PDE4D: variants seen among roughly 807,000 people sequenced by gnomAD.
PDE4D encodes the protein phosphodiesterase 4D.
In PDE4D, 24 loss-of-function variants were observed where a neutral mutation model predicts 87.4. That is an observed-to-expected ratio of 0.27 (90% CI 0.20 to 0.39). PDE4D has a LOEUF of 0.39. Among genes scored for constraint, PDE4D ranks in the 10% least tolerant of loss-of-function variants. PDE4D has a pLI of 1.00. For missense variants in PDE4D, 714 were observed against 1,041.0 expected (o/e 0.69, Z 4.32); for synonymous variants, 384 against 383.2 (o/e 1.00, Z -0.02).
At chr5:60,354,417 T>C (rs1443148758) in intron 1 of PDE4D, among the ~76,000 whole-genome samples, 2 of 152,186 alleles carry the variant, frequency 1.3e-5, no homozygotes, top group East Asian at 1.9e-4. Flanking sequence ...GCAGATTCTT[T>C]ACTTGGTAGT....
intron 3 of PDE4D, chr5:59,987,866 C>T (rs1046270864): frequency 7.9e-5 from 12 of 152,222 alleles, no homozygotes; most frequent in African/African-American, 2.9e-4. Context: ...AGAATAAAAA[C>T]AAAAATTATA....
Position 60,049,997 on chromosome 5 carries a change from G to A in PDE4D, c.43-61280C>T, listed in dbSNP as rs1376056736. On this transcript the variant is annotated intron_variant, in intron 2 of 16. Transcript: ENST00000502484. ...CCACCTTGCAGTTTGATCTCAGACT[G>A]CTGTGCTAGCAATCAGCGAGACTCT... is the stretch of plus-strand genomic sequence containing the variant. 2.0e-5 allele frequency among the ~76,000 whole-genome samples: 3 copies of A among 152,330 alleles called. No individual in the cohort carries two copies. The East Asian group carries it at 5.8e-4, about 29-fold the overall frequency.
At chr5:58,987,264 A>G (rs916287463) in intron 11 of PDE4D, among the ~76,000 whole-genome samples, 1 of 152,192 alleles carries the variant, frequency 6.6e-6, no homozygotes, top group African/African-American at 2.4e-5. Context: ...GTACCTCATT[A>G]TAGGTGCTCA....
chr5:59,028,394 C>T lies in PDE4D; in HGVS notation c.921+10465G>A, dbSNP rs186557783. The stretch of plus-strand genomic sequence containing the variant: ...CAGGATGGCAGACACCCTTCTCTAA[C>T]CCTCACCCCCCAAAATAATAAAATA... On this transcript the variant is annotated intron_variant, in intron 6 of 14. Coordinates refer to ENST00000340635, the MANE Select transcript of PDE4D (RefSeq NM_001104631.2). Among the ~76,000 whole-genome samples, 43 of 151,292 alleles carry T rather than the reference C, an allele frequency of 2.8e-4. 1 individual carries two copies. Among genetic ancestry groups the T allele is most frequent in the Middle Eastern group, 3.4e-3 (1 of 294 alleles).
intron 2 of PDE4D, among the ~76,000 whole-genome samples, chr5:59,993,706 C>T (rs951050731): frequency 1.3e-5 from 2 of 151,892 alleles, no homozygotes; most frequent in Non-Finnish European, 1.5e-5. Context: ...ATAAAGATGT[C>T]TTGTTTTTCA....
intron 5 of PDE4D, among the ~76,000 whole-genome samples, chr5:59,054,568 AT>A (rs1389595302): frequency 6.6e-6 from 1 of 151,978 alleles, no homozygotes; most frequent in East Asian, 1.9e-4. Context: ...CAAACCATGC[AT>A]TTCAGTATAA....
At chr5:59,777,365 G>A (rs1264912692) in intron 1 of PDE4D, among the ~76,000 whole-genome samples, 4 of 152,150 alleles carry the variant, frequency 2.6e-5, no homozygotes, top group Non-Finnish European at 5.9e-5. Context: ...ACAGCTTTGT[G>A]GACAGAAGCC....
intron 1 of PDE4D, chr5:59,587,664 A>G: frequency 1.0e-6 from 1 of 975,280 alleles, no homozygotes; most frequent in Non-Finnish European, 1.2e-6. Context: ...GCTGCCTGAC[A>G]GGGGATGTGC....
At chr5:59,455,367 G>A (rs1371508890) in intron 1 of PDE4D, among the ~76,000 whole-genome samples, 1 of 152,232 alleles carries the variant, frequency 6.6e-6, no homozygotes, top group Non-Finnish European at 1.5e-5. Context: ...TCAGGCCATG[G>A]ATTCAGAGGG....
chr5:60,107,084 A>G (rs1326217515), intron 2 of PDE4D, among the ~76,000 whole-genome samples: 4 of 152,180 alleles, frequency 2.6e-5, no homozygotes, highest in Admixed American at 6.5e-5. Context: ...TTTTTTGAAA[A>G]GATCAACAAA....
At position 59,698,461 on chromosome 5, in the gene PDE4D, A is replaced by G. The variant is rs1046580064; in HGVS notation, c.455+194707T>C. Among the ~76,000 whole-genome samples, 178 of 152,036 alleles carry G rather than the reference A, an allele frequency of 1.2e-3. 2 individuals carry two copies. Among genetic ancestry groups the G allele is most frequent in the Non-Finnish European group, 6.3e-4 (43 of 67,994 alleles). ...AACTATTACCCAACATGAAGGGTCA[A>G]GCAGAAGGAAAGAGATCTGAAGCAC... is the stretch of plus-strand genomic sequence containing the variant. On this transcript the variant is annotated intron_variant, in intron 1 of 14. Coordinates refer to ENST00000340635, the MANE Select transcript of PDE4D (RefSeq NM_001104631.2).
intron 1 of PDE4D, among the ~76,000 whole-genome samples, chr5:59,487,165 G>C (rs1805301314): frequency 6.6e-6 from 1 of 152,170 alleles, no homozygotes; most frequent in South Asian, 2.1e-4. Flanking sequence ...CAAATTTCTA[G>C]ATTGAAAACA....
chr5:60,423,953 C>T (rs1216926574), intron 1 of PDE4D, among the ~76,000 whole-genome samples: 1 of 152,118 alleles, frequency 6.6e-6, no homozygotes, highest in Non-Finnish European at 1.5e-5. Flanking sequence ...TGGATAAATT[C>T]CTGGACACAT....
chr5:60,153,845 G>T (rs560303720), intron 2 of PDE4D, among the ~76,000 whole-genome samples: 4 of 152,286 alleles, frequency 2.6e-5, no homozygotes, highest in East Asian at 1.9e-4. Context: ...AACAGTGGTT[G>T]CCAGGGTCTG....
At chr5:59,221,312 C>A (rs1752511846) in intron 1 of PDE4D, among the ~76,000 whole-genome samples, 1 of 152,146 alleles carries the variant, frequency 6.6e-6, no homozygotes, top group Non-Finnish European at 1.5e-5. Flanking sequence ...ACAGGTGACG[C>A]ATGCAAAGGC....
At chr5:59,968,955 A>G (rs1357277001) in intron 3 of PDE4D, among the ~76,000 whole-genome samples, 2 of 151,962 alleles carry the variant, frequency 1.3e-5, no homozygotes, top group African/African-American at 4.8e-5. Context: ...AAAGACAAAG[A>G]AGAAAGAGTA....
chr5:59,441,879 C>T (rs532129744), intron 1 of PDE4D, among the ~76,000 whole-genome samples: 80 of 152,284 alleles, frequency 5.3e-4, no homozygotes, highest in African/African-American at 1.6e-3. Flanking sequence ...ATTGGATGAA[C>T]GGTCTTCCAT....
chr5:60,219,199 T>G lies in PDE4D; in HGVS notation c.-89-33512A>C, dbSNP rs546117543. On this transcript the variant is annotated intron_variant, in intron 1 of 16. Coordinates refer to the PDE4D transcript ENST00000502484. Reference sequence around the variant, plus strand: ...TGACCTTATCAACCTAATTAGATGGTTACCCATTTCCAAAGCAAAGTTAAA... The same window carrying G: ...TGACCTTATCAACCTAATTAGATGGGTACCCATTTCCAAAGCAAAGTTAAA... Among the ~76,000 whole-genome samples the G allele has an allele frequency of 1.1e-3, 164 of 152,180 alleles. 1 individual carries two copies. Among genetic ancestry groups the G allele is most frequent in the Non-Finnish European group, 3.4e-4 (23 of 68,010 alleles).
intron 3 of PDE4D, chr5:59,987,096 A>G (rs1372951126): frequency 3.3e-5 from 5 of 152,204 alleles, no homozygotes; most frequent in Admixed American, 3.3e-4. Flanking sequence ...CTATTTGCTG[A>G]ATTATGAGAG....
Sources: allele counts gnomAD v4.1 joint callset (sites outside exome capture counted in the v4.1 genomes callset), GRCh38; gene constraint gnomAD v4.1.1; transcripts MANE v1.5; gene names NCBI Gene and HGNC (gene_info 2026-07-23, HGNC 2026-07-21).